LRRC4C: variants seen among roughly 807,000 people sequenced by gnomAD.
LRRC4C encodes leucine-rich repeat-containing protein 4C.
In LRRC4C, 5 loss-of-function variants were observed where a neutral mutation model predicts 33.6. That is an observed-to-expected ratio of 0.15 (90% confidence interval 0.08 to 0.31). LRRC4C has a LOEUF of 0.31. LRRC4C is among the 10% of genes least tolerant of loss of function. The probability of loss-of-function intolerance (pLI) is 1.00; values close to 1 mark genes in which losing one functional copy is unlikely to be tolerated. For synonymous variants in LRRC4C, 329 were observed against 302.0 expected (o/e 1.09, Z -0.93); for missense variants, 560 against 796.7 (o/e 0.70, Z 3.58).
At chr11:41,205,235 T>C (rs1373229189) in intron 1 of LRRC4C, among the ~76,000 whole-genome samples, 1 of 152,176 alleles carries the variant, frequency 6.6e-6, no homozygotes, top group African/African-American at 2.4e-5. Flanking sequence ...TAAACTATGA[T>C]GATGAGATTG....
intron 1 of LRRC4C, among the ~76,000 whole-genome samples, chr11:41,244,472 G>A (rs1948375721): frequency 6.6e-6 from 1 of 152,160 alleles, no homozygotes; most frequent in Non-Finnish European, 1.5e-5. Flanking sequence ...GAGTACATTG[G>A]ATCCAGCTAA....
intron 2 of LRRC4C, among the ~76,000 whole-genome samples, chr11:40,800,764 T>C (rs1325389244): frequency 2.0e-5 from 3 of 152,146 alleles, no homozygotes; most frequent in Admixed American, 6.5e-5. Context: ...TTCTGTGTCT[T>C]AGCTCTTTCA....
At chr11:40,959,949 T>C (rs900507090) in intron 1 of LRRC4C, among the ~76,000 whole-genome samples, 3 of 151,772 alleles carry the variant, frequency 2.0e-5, no homozygotes, top group African/African-American at 7.2e-5. Flanking sequence ...TGCAAGTAAT[T>C]GTACAATGTT....
At chr11:40,449,395 G>A (rs1026255112) in intron 3 of LRRC4C, among the ~76,000 whole-genome samples, 1 of 150,494 alleles carries the variant, frequency 6.6e-6, no homozygotes, top group Non-Finnish European at 1.5e-5. Context: ...CAGATCCCAC[G>A]GATACCTAGG....
chr11:41,039,492 T>C (rs1003891801), intron 1 of LRRC4C, among the ~76,000 whole-genome samples: 2 of 152,172 alleles, frequency 1.3e-5, no homozygotes, highest in Non-Finnish European at 2.9e-5. Context: ...TCTAAACATA[T>C]ATAAAGTATA....
intron 1 of LRRC4C, among the ~76,000 whole-genome samples, chr11:41,110,511 T>C (rs532796798): frequency 2.6e-5 from 4 of 152,222 alleles, no homozygotes; most frequent in Non-Finnish European, 5.9e-5. Flanking sequence ...ACTGTACTCC[T>C]AGATGTCAAG....
At chr11:40,369,221 G>T (rs1366627166) in intron 3 of LRRC4C, among the ~76,000 whole-genome samples, 2 of 152,136 alleles carry the variant, frequency 1.3e-5, no homozygotes, top group Admixed American at 6.5e-5. Flanking sequence ...ATAGGGGTTG[G>T]AATCAGCTCT....
chr11:40,266,605 G>A (rs899142463), intron 4 of LRRC4C, among the ~76,000 whole-genome samples: 7 of 152,074 alleles, frequency 4.6e-5, no homozygotes, highest in Non-Finnish European at 8.8e-5. Context: ...GAAGTATTAT[G>A]TATTACTTAA....
At chr11:41,119,090 C>T (rs1025188844) in intron 1 of LRRC4C, among the ~76,000 whole-genome samples, 1 of 142,004 alleles carries the variant, frequency 7.0e-6, no homozygotes, top group Non-Finnish European at 1.6e-5. Context: ...GCTTTCTTTG[C>T]CTTCCCTCTT....
intron 1 of LRRC4C, among the ~76,000 whole-genome samples, chr11:41,443,391 C>A (rs956170011): frequency 1.3e-5 from 2 of 151,842 alleles, no homozygotes; most frequent in Admixed American, 1.3e-4. Context: ...TGCCTGTAGC[C>A]CCAGCTACTT....
rs913460896 is a variant in LRRC4C, at chr11:40,467,877, C to T, written c.-269-148156G>A. Among the ~76,000 whole-genome samples the T allele has an allele frequency of 2.6e-5, 4 of 152,100 alleles. No homozygotes were observed. In the East Asian group the frequency reaches 7.7e-4, roughly 29 times the overall value. On this transcript the variant is annotated intron_variant, in intron 3 of 6. Transcript: ENST00000528697. ...AGTATATCACACTTGAAATCACTGC[C>T]ATTTTTTATTTGTTTGTTTGTTTGT...
At chr11:40,313,596 A>ATTT in intron 4 of LRRC4C, among the ~76,000 whole-genome samples, 1 of 129,462 alleles carries the variant, frequency 7.7e-6, no homozygotes, top group Admixed American at 9.7e-5. Context: ...AGGAGGGGAA[A>ATTT]TTCTTTTTTT....
chr11:40,855,338 T>C (rs1258167885), intron 2 of LRRC4C, among the ~76,000 whole-genome samples: 1 of 152,158 alleles, frequency 6.6e-6, no homozygotes, highest in Non-Finnish European at 1.5e-5. Context: ...CCCTATTAGG[T>C]CTATTATTCA....
intron 1 of LRRC4C, among the ~76,000 whole-genome samples, chr11:41,114,376 T>C (rs1165916713): frequency 3.9e-5 from 6 of 152,078 alleles, no homozygotes; most frequent in African/African-American, 1.2e-4. Flanking sequence ...CCCTCTTATG[T>C]ATATGCCAGC....
chr11:41,180,245 G>A (rs1168004319), intron 1 of LRRC4C, among the ~76,000 whole-genome samples: 1 of 152,116 alleles, frequency 6.6e-6, no homozygotes, highest in Non-Finnish European at 1.5e-5. Context: ...AAAGAAAGCA[G>A]CCAGATCACA....
At chr11:40,360,463 C>T (rs970558632) in intron 3 of LRRC4C, among the ~76,000 whole-genome samples, 1 of 152,158 alleles carries the variant, frequency 6.6e-6, no homozygotes, top group Non-Finnish European at 1.5e-5. Context: ...GCTGCGTGCA[C>T]AGAAACAGGA....
intron 1 of LRRC4C, among the ~76,000 whole-genome samples, chr11:41,397,347 C>T (rs1953859523): frequency 1.3e-5 from 2 of 151,902 alleles, no homozygotes; most frequent in Non-Finnish European, 1.5e-5. Flanking sequence ...CCTCAGCCTG[C>T]TCAATGAAAA....
At chr11:41,106,896 C>T (rs1196003412) in intron 1 of LRRC4C, among the ~76,000 whole-genome samples, 2 of 151,594 alleles carry the variant, frequency 1.3e-5, no homozygotes, top group Non-Finnish European at 2.9e-5. Flanking sequence ...TTCTGTAGTC[C>T]CAGCTACTTG....
intron 6 of LRRC4C, among the ~76,000 whole-genome samples, chr11:40,118,690 G>A (rs1855610227): frequency 6.6e-6 from 1 of 152,078 alleles, no homozygotes; most frequent in African/African-American, 2.4e-5. Context: ...ACAGTAAAAA[G>A]TACCCTCTAT....
Sources: allele counts gnomAD v4.1 joint callset (sites outside exome capture counted in the v4.1 genomes callset), GRCh38; gene constraint gnomAD v4.1.1; transcripts MANE v1.5; gene names NCBI Gene and HGNC (gene_info 2026-07-23, HGNC 2026-07-21).